Variants in CDK19 observed in about 807,000 individuals in gnomAD.
The protein encoded by CDK19 is cyclin dependent kinase 19.
In CDK19, 20 loss-of-function variants were observed where a neutral mutation model predicts 68.3. That is an observed-to-expected ratio of 0.29 (90% CI 0.21 to 0.43). The LOEUF (loss-of-function observed/expected upper bound fraction) is 0.43, where lower values mean the gene tolerates loss of function less well. CDK19 is among the 20% of genes least tolerant of loss of function. CDK19 has a pLI of 1.00. For missense variants in CDK19, 339 were observed against 623.5 expected, an observed-to-expected ratio of 0.54 and a Z score of 4.86; for synonymous variants, 221 against 222.8, an observed-to-expected ratio of 0.99 and a Z score of 0.07.
intron 1 of CDK19, among the ~76,000 whole-genome samples, chr6:110,759,621 T>A (rs1253784854): frequency 2.6e-5 from 4 of 151,076 alleles, no homozygotes. Flanking sequence ...AACCCAGCTC[T>A]AAAACATAAA....
intron 2 of CDK19, among the ~76,000 whole-genome samples, chr6:110,721,181 A>G (rs1413455184): frequency 6.6e-6 from 1 of 152,198 alleles, no homozygotes; most frequent in African/African-American, 2.4e-5. Flanking sequence ...CGGAGGTTGC[A>G]GTGAGCCAAG....
chr6:110,665,868 C>T (rs1301274941), intron 4 of CDK19, among the ~76,000 whole-genome samples: 1 of 152,032 alleles, frequency 6.6e-6, no homozygotes, highest in East Asian at 2.0e-4. Flanking sequence ...CCTCAGCCTT[C>T]CAAACAGCGA....
At chr6:110,616,668 CAA>C (rs879456168) in intron 12 of CDK19, among the ~76,000 whole-genome samples, 3 of 123,112 alleles carry the variant, frequency 2.4e-5, no homozygotes. Context: ...GACTCCATCT[CAA>C]AAAAAAAAAA....
At chr6:110,729,367 T>G (rs568914077) in intron 2 of CDK19, among the ~76,000 whole-genome samples, 1 of 152,322 alleles carries the variant, frequency 6.6e-6, no homozygotes, top group African/African-American at 2.4e-5. Context: ...ATTAAGACAC[T>G]TTTACACTAA....
intron 1 of CDK19, among the ~76,000 whole-genome samples, chr6:110,767,934 C>T (rs1269032815): frequency 1.3e-5 from 2 of 151,844 alleles, no homozygotes; most frequent in Non-Finnish European, 2.9e-5. Flanking sequence ...AATTGCAAAA[C>T]AAATATCTGA....
intron 1 of CDK19, among the ~76,000 whole-genome samples, chr6:110,773,620 C>G (rs1780194532): frequency 1.3e-5 from 2 of 151,940 alleles, no homozygotes; most frequent in African/African-American, 4.8e-5. Context: ...CCTACTCACT[C>G]CTACTATTTC....
intron 12 of CDK19, among the ~76,000 whole-genome samples, chr6:110,619,773 T>C (rs868778553): frequency 2.0e-5 from 3 of 152,092 alleles, no homozygotes; most frequent in Non-Finnish European, 2.9e-5. Flanking sequence ...ACTTGTCATG[T>C]AGGAGTCTGA....
At chr6:110,646,005 C>G in intron 4 of CDK19, 1 of 1,074,902 alleles carries the variant, frequency 9.3e-7, no homozygotes. Flanking sequence ...TCTGGGCAAG[C>G]AGGGTGTGCG....
In CDK19 at chr6:110,765,380, AC is replaced by A. The variant is rs545640001; in HGVS notation, c.129-19180del. 6.1e-4 allele frequency among the ~76,000 whole-genome samples: 93 copies of A among 152,066 alleles called. 1 individual carries two copies. Among genetic ancestry groups the A allele is most frequent in the Admixed American group, 2.2e-3 (34 of 15,244 alleles). On this transcript the variant is annotated intron_variant, in intron 1 of 12. Transcript: ENST00000368911. ...GGTGACAGAGTGAGAATCCATATCAACGAAAAGAAGAGAACAGGTCAGACGC... is the reference window on the plus strand; with the variant it reads ...GGTGACAGAGTGAGAATCCATATCAAGAAAAGAAGAGAACAGGTCAGACGC...
intron 4 of CDK19, among the ~76,000 whole-genome samples, chr6:110,642,695 T>G (rs955232174): frequency 4.6e-5 from 7 of 152,108 alleles, no homozygotes; most frequent in African/African-American, 1.7e-4. Flanking sequence ...GGTCCACACC[T>G]GTAATCCCAG....
intron 5 of CDK19, among the ~76,000 whole-genome samples, chr6:110,636,120 G>C (rs995408296): frequency 7.9e-5 from 12 of 152,186 alleles, no homozygotes; most frequent in African/African-American, 2.9e-4. Context: ...GGAGTACTAA[G>C]AGAACAAATT....
intron 1 of CDK19, among the ~76,000 whole-genome samples, chr6:110,803,986 G>C (rs947190074): frequency 6.6e-6 from 1 of 152,046 alleles, no homozygotes; most frequent in African/African-American, 2.4e-5. Context: ...AGAGAAGAAA[G>C]AAAGAAATAC....
At position 110,788,156 on chromosome 6, in the gene CDK19, G is replaced by T. The variant is rs555754010; in HGVS notation, c.128+26853C>A. On this transcript the variant is annotated intron_variant, in intron 1 of 12. Coordinates refer to ENST00000368911, the MANE Select transcript of CDK19 (RefSeq NM_015076.5). Reference sequence around the variant, plus strand: ...CACCTGGCCTGTTTTTTGTTTTTTTGTTGTTGTTGTTTGTTTGTTTTTGAG... The same window carrying T: ...CACCTGGCCTGTTTTTTGTTTTTTTTTTGTTGTTGTTTGTTTGTTTTTGAG... Among the ~76,000 whole-genome samples the T allele has an allele frequency of 3.1e-4, 46 of 147,438 alleles. 1 individual carries two copies. The highest frequency in any genetic ancestry group is 7.7e-4 in the African/African-American group (31 of 40,356).
intron 2 of CDK19, among the ~76,000 whole-genome samples, chr6:110,714,194 C>T (rs919324438): frequency 6.6e-6 from 1 of 152,160 alleles, no homozygotes; most frequent in Non-Finnish European, 1.5e-5. Flanking sequence ...ATATATAGCT[C>T]TTGGTGTCTG....
chr6:110,645,979 A>G, intron 4 of CDK19: 1 of 1,163,046 alleles, frequency 8.6e-7, no homozygotes, highest in Non-Finnish European at 1.2e-6. Context: ...GAGCACATGC[A>G]GCGCGTCTTC....
In CDK19 at chr6:110,815,201, C is replaced by A. The variant is rs1583169881; in HGVS notation, c.-65G>T. On this transcript the variant is annotated 5_prime_UTR_variant, in exon 1 of 13. Coordinates refer to ENST00000368911, the MANE Select transcript of CDK19 (RefSeq NM_015076.5). ...CCGCCGCTCAGTCCCTCCTCCTCCT[C>A]CCCCCGCGACCGCCGCTCCACTTCT... 1.4e-6 allele frequency: 2 copies of A among 1,454,324 alleles called. No individual in the cohort carries two copies. Among genetic ancestry groups the A allele is most frequent in the East Asian group, 2.8e-5 (1 of 36,296 alleles). 90.1% of individuals were successfully genotyped at this position (1,454,324 alleles called of 1,614,324 possible). A position where few individuals can be genotyped will look rare whatever the true frequency, so the allele number is the denominator to read the frequency against.
intron 12 of CDK19, among the ~76,000 whole-genome samples, chr6:110,619,042 C>A (rs1778541043): frequency 6.6e-6 from 1 of 152,152 alleles, no homozygotes; most frequent in Non-Finnish European, 1.5e-5. Flanking sequence ...CCCTTGGCCC[C>A]TAGATGGTGT....
At chr6:110,781,446 G>T (rs1293670057) in intron 1 of CDK19, among the ~76,000 whole-genome samples, 1 of 152,146 alleles carries the variant, frequency 6.6e-6, no homozygotes, top group African/African-American at 2.4e-5. Context: ...CAACACCGGA[G>T]ATCAATTTCC....
intron 6 of CDK19, among the ~76,000 whole-genome samples, chr6:110,631,164 G>A (rs960573628): frequency 4.6e-5 from 7 of 152,184 alleles, no homozygotes. Flanking sequence ...AGCCAAAACT[G>A]ATATGAGACT....
Sources: allele counts gnomAD v4.1 joint callset (sites outside exome capture counted in the v4.1 genomes callset), GRCh38; gene constraint gnomAD v4.1.1; transcripts MANE v1.5; gene names NCBI Gene and HGNC (gene_info 2026-07-23, HGNC 2026-07-21).